The following USP49 variants were observed in gnomAD, a reference collection of about 807,000 sequenced individuals.
USP49 encodes ubiquitin carboxyl-terminal hydrolase 49.
In USP49, 24 loss-of-function variants were observed where a neutral mutation model predicts 58.6. The ratio of observed to expected loss-of-function variants is 0.41; its 90% confidence interval spans 0.30 to 0.58. The LOEUF is 0.58. Ranked by LOEUF, USP49 falls within the 20% of genes least tolerant of loss-of-function variation. USP49 has a pLI of 0.30. For synonymous variants in USP49, 408 were observed against 365.1 expected, an observed-to-expected ratio of 1.12 and a Z score of -1.34; for missense variants, 703 against 866.1, an observed-to-expected ratio of 0.81 and a Z score of 2.36.
chr6:41,870,392 T>TA (rs1374288982), intron 3 of USP49, among the ~76,000 whole-genome samples: 5 of 152,150 alleles, frequency 3.3e-5, no homozygotes, highest in African/African-American at 1.2e-4. Flanking sequence ...GCCATATACT[T>TA]ATAGACTCTG....
intron 2 of USP49, among the ~76,000 whole-genome samples, chr6:41,874,887 G>A (rs1774475636): frequency 6.6e-6 from 1 of 152,132 alleles, no homozygotes; most frequent in Non-Finnish European, 1.5e-5. Flanking sequence ...GAGGCCATGA[G>A]GTCAAGGCTG....
chr6:41,797,143 G>A (rs1003130828), intron 7 of USP49, among the ~76,000 whole-genome samples: 2 of 152,006 alleles, frequency 1.3e-5, no homozygotes, highest in Non-Finnish European at 2.9e-5. Context: ...TGTATTTTTA[G>A]TAGAGACGGG....
At chr6:41,827,041 C>T (rs192064532) in intron 3 of USP49, among the ~76,000 whole-genome samples, 1 of 152,288 alleles carries the variant, frequency 6.6e-6, no homozygotes, top group Admixed American at 6.5e-5. Flanking sequence ...CACAGAAAAC[C>T]AAAATTGATT....
chr6:41,813,477 A>C (rs1773294024), intron 3 of USP49, among the ~76,000 whole-genome samples: 1 of 152,238 alleles, frequency 6.6e-6, no homozygotes, highest in Non-Finnish European at 1.5e-5. Context: ...ATGCTGGAAC[A>C]ACCAAAAGCC....
chr6:41,865,344 C>A (rs1774294530), intron 3 of USP49, among the ~76,000 whole-genome samples: 1 of 151,976 alleles, frequency 6.6e-6, no homozygotes, highest in Non-Finnish European at 1.5e-5. Context: ...AGCACCCAGC[C>A]CTCATTTTCT....
At chr6:41,810,189 T>C (rs1581996276) in intron 3 of USP49, among the ~76,000 whole-genome samples, 1 of 131,622 alleles carries the variant, frequency 7.6e-6, no homozygotes, top group African/African-American at 2.9e-5. Context: ...ATAAAGAAAA[T>C]AATAAAATAG....
intron 3 of USP49, among the ~76,000 whole-genome samples, chr6:41,859,592 C>G (rs1327458805): frequency 6.6e-6 from 1 of 152,114 alleles, no homozygotes; most frequent in Non-Finnish European, 1.5e-5. Context: ...GAGAACAGAG[C>G]AGGAACCTAA....
chr6:41,829,603 G>A lies in USP49; in HGVS notation c.-28-22592C>T, dbSNP rs138024088. Reference sequence around the variant, plus strand: ...GCTGAGATTACAGGCGTGAGCCACCGCGCCTGGCGGATTCTCTTGAATTTT... The same window carrying A: ...GCTGAGATTACAGGCGTGAGCCACCACGCCTGGCGGATTCTCTTGAATTTT... On this transcript the variant is annotated intron_variant, in intron 3 of 7. Coordinates refer to ENST00000682992, the MANE Select transcript of USP49 (RefSeq NM_001286554.2). Among the ~76,000 whole-genome samples the A allele has an allele frequency of 1.6e-3, 245 of 152,252 alleles. 4 individuals carry two copies. The highest frequency in any genetic ancestry group is 0.016 in the East Asian group (81 of 5,186).
At chr6:41,798,682 C>T in intron 7 of USP49, 42 bp downstream of exon 7, 1 of 1,613,658 alleles carries the variant, frequency 6.2e-7, no homozygotes, top group Non-Finnish European at 8.5e-7. Context: ...ACAAATCAAC[C>T]CCTTTCCGTG....
At chr6:41,796,850 G>A in intron 7 of USP49, 127 bp from the exon 8 acceptor site, 1 of 616,882 alleles carries the variant, frequency 1.6e-6, no homozygotes, top group Non-Finnish European at 2.9e-6. Flanking sequence ...GATTATTGGT[G>A]GGGAAGGGAC....
intron 2 of USP49, among the ~76,000 whole-genome samples, chr6:41,883,822 G>A (rs1774659048): frequency 6.6e-6 from 1 of 151,814 alleles, no homozygotes. Context: ...CTGTGCCCCT[G>A]AGAATTCTCA....
rs192720187 is a variant in USP49, at chr6:41,870,039, C to A, written c.-29+1525G>T. The stretch of plus-strand genomic sequence containing the variant: ...GAAAAAAACTAAAAAGCTTTTGCCA[C>A]CATGGTTAACCGTATCTGAGATGGT... On this transcript the variant is annotated intron_variant, in intron 3 of 7. Transcript: ENST00000682992. 2.2e-3 allele frequency among the ~76,000 whole-genome samples: 342 copies of A among 152,218 alleles called. 2 individuals are homozygous for A. The highest frequency in any genetic ancestry group is 2.5e-3 in the Non-Finnish European group (169 of 68,006).
intron 3 of USP49, among the ~76,000 whole-genome samples, chr6:41,850,624 G>A (rs115996956): frequency 0.018 from 2,161 of 120,800 alleles, 26 homozygotes; most frequent in South Asian, 0.075. Context: ...TTTTTTTTTT[G>A]AGACAGAGTC....
At position 41,859,665 on chromosome 6, in the gene USP49, T is replaced by G. The variant is rs2025950; in HGVS notation, c.-29+11899A>C. On this transcript the variant is annotated intron_variant, in intron 3 of 7. Coordinates refer to ENST00000682992, the MANE Select transcript of USP49 (RefSeq NM_001286554.2). ...ATAACGTTCTACTTCAGTGTCCTCTTTGGCAAATTATTAATTGCTATGTCT... is the reference window on the plus strand; with the variant it reads ...ATAACGTTCTACTTCAGTGTCCTCTGTGGCAAATTATTAATTGCTATGTCT... 6.8e-3 allele frequency among the ~76,000 whole-genome samples: 1,032 copies of G among 152,290 alleles called. 13 individuals carry two copies. Among genetic ancestry groups the G allele is most frequent in the African/African-American group, 0.023 (971 of 41,546 alleles).
At chr6:41,833,769 CCT>C (rs965209268) in intron 3 of USP49, among the ~76,000 whole-genome samples, 2 of 152,084 alleles carry the variant, frequency 1.3e-5, no homozygotes, top group African/African-American at 4.8e-5. Flanking sequence ...ATTTCTGGAC[CCT>C]AGAAAGGGCC....
At chr6:41,835,719 C>CA (rs200186781) in intron 3 of USP49, among the ~76,000 whole-genome samples, 14,662 of 127,120 alleles carry the variant, frequency 0.12, 920 homozygotes, top group Non-Finnish European at 0.15. Flanking sequence ...AAAAAAAAAA[C>CA]AGAAAAAAAA....
chr6:41,888,818 C>G (rs1774762295), intron 2 of USP49, among the ~76,000 whole-genome samples: 1 of 152,062 alleles, frequency 6.6e-6, no homozygotes, highest in Non-Finnish European at 1.5e-5. Context: ...CTGAGAGGAC[C>G]TCCTTCAGGT....
intron 2 of USP49, among the ~76,000 whole-genome samples, chr6:41,876,905 C>T (rs768985582): frequency 2.0e-5 from 3 of 152,138 alleles, no homozygotes; most frequent in Non-Finnish European, 4.4e-5. Context: ...CATAGGATAG[C>T]GGGAAGAGAA....
chr6:41,854,000 G>GAAAA (rs1314186814), intron 3 of USP49, among the ~76,000 whole-genome samples: 4 of 113,168 alleles, frequency 3.5e-5, no homozygotes, highest in East Asian at 5.5e-4. Flanking sequence ...ACTCTGTCTC[G>GAAAA]AAAAAAAAAA....
Sources: gnomAD v4.1 joint callset for allele counts (sites outside exome capture counted in the v4.1 genomes callset) on GRCh38, gnomAD v4.1.1 for gene constraint, MANE v1.5 for transcripts, NCBI Gene and HGNC (gene_info 2026-07-23, HGNC 2026-07-21) for gene names.